BRINP2: variants seen among roughly 807,000 people sequenced by gnomAD.
BRINP2 encodes the protein BMP/retinoic acid-inducible neural-specific protein 2.
A neutral mutation model predicts 69.2 loss-of-function variants in BRINP2; 21 were observed. The ratio of observed to expected loss-of-function variants is 0.30; its 90% CI spans 0.22 to 0.44. The LOEUF (loss-of-function observed/expected upper bound fraction) is 0.44. Among genes scored for constraint, BRINP2 ranks in the 20% least tolerant of loss-of-function variants. The pLI, the probability that BRINP2 is intolerant of heterozygous loss-of-function variation, is 1.00. For synonymous variants in BRINP2, 380 were observed against 394.1 expected (o/e 0.96, Z 0.42); for missense variants, 877 against 986.0 (o/e 0.89, Z 1.48).
chr1:177,208,214 A>G (rs536111626), intron 1 of BRINP2, among the ~76,000 whole-genome samples: 80 of 152,304 alleles, frequency 5.3e-4, no homozygotes, highest in Non-Finnish European at 9.7e-4. Flanking sequence ...ATCGCTCAGT[A>G]AGTACTAGCC....
At chr1:177,216,064 TA>T (rs1649366761) in intron 1 of BRINP2, among the ~76,000 whole-genome samples, 5 of 152,230 alleles carry the variant, frequency 3.3e-5, no homozygotes, top group Admixed American at 2.0e-4. Flanking sequence ...TTTTTATCTA[TA>T]AATTCACTCT....
At chr1:177,176,601 G>C (rs1391810186) in intron 1 of BRINP2, among the ~76,000 whole-genome samples, 1 of 151,162 alleles carries the variant, frequency 6.6e-6, no homozygotes, top group Admixed American at 6.6e-5. Context: ...ACAGGTTAAT[G>C]GGGAAAAGGT....
intron 3 of BRINP2, 82 bp from the exon 4 acceptor site, chr1:177,257,094 T>C: frequency 6.3e-7 from 1 of 1,591,810 alleles, no homozygotes; most frequent in Non-Finnish European, 8.6e-7. Flanking sequence ...TGTGTCTATC[T>C]TGGCCAAGGG....
chr1:177,210,998 G>GTA (rs1403058511), intron 1 of BRINP2, among the ~76,000 whole-genome samples: 2 of 98,566 alleles, frequency 2.0e-5, no homozygotes, highest in Middle Eastern at 5.7e-3. Flanking sequence ...TATATATTAT[G>GTA]TATATATATA....
chr1:177,256,031 A>G lies in BRINP2; in HGVS notation c.382A>G (p.Arg128Gly). ...FIRNIRLLGR[R>G]PNLQQVTENL... ...CCGGAACATTCGCCTCCTTGGAAGG[A>G]GACCCAATCTGCAACAGGTTACAGA... The change falls in exon 3 of 8, where the codon AGA becomes GGA. Residue 128 changes from arginine to glycine, a missense_variant. Around this residue, in one of 3 missense-constraint regions of BRINP2, gnomAD observed 566 missense variants for 625.2 expected, o/e 0.91. Coordinates refer to ENST00000361539, the MANE Select transcript of BRINP2 (RefSeq NM_021165.4). 1 of 1,614,198 alleles carries G rather than the reference A, an allele frequency of 6.2e-7. No homozygotes were observed. The highest frequency in any genetic ancestry group is 8.5e-7 in the Non-Finnish European group (1 of 1,180,026).
intron 1 of BRINP2, among the ~76,000 whole-genome samples, chr1:177,175,148 A>C (rs953107479): frequency 6.6e-6 from 1 of 152,216 alleles, no homozygotes; most frequent in Non-Finnish European, 1.5e-5. Context: ...GCCCTTAGGC[A>C]TTTAGCAGCG....
At chr1:177,185,566 C>T (rs1213208287) in intron 1 of BRINP2, among the ~76,000 whole-genome samples, 2 of 152,156 alleles carry the variant, frequency 1.3e-5, no homozygotes, top group Non-Finnish European at 2.9e-5. Context: ...TATAAACAAA[C>T]GTAATCATTC....
At chr1:177,245,993 G>A (rs1055544768) in intron 2 of BRINP2, among the ~76,000 whole-genome samples, 4 of 152,140 alleles carry the variant, frequency 2.6e-5, no homozygotes, top group African/African-American at 9.7e-5. Flanking sequence ...CATTGTTTAC[G>A]GGCCGTTGTT....
At chr1:177,173,994 T>C (rs1648014921) in intron 1 of BRINP2, among the ~76,000 whole-genome samples, 2 of 152,336 alleles carry the variant, frequency 1.3e-5, no homozygotes, top group South Asian at 4.1e-4. Context: ...GTATACATTT[T>C]ATAATGGCAT....
intron 2 of BRINP2, among the ~76,000 whole-genome samples, chr1:177,255,608 T>C (rs549574852): frequency 6.3e-4 from 96 of 152,364 alleles, no homozygotes; most frequent in African/African-American, 2.2e-3. Context: ...GTTTGTTTTT[T>C]CTACTACTCA....
chr1:177,202,804 G>A (rs10753146), intron 1 of BRINP2, among the ~76,000 whole-genome samples: 17,303 of 152,092 alleles, frequency 0.11, 1,935 homozygotes, highest in African/African-American at 0.28. Flanking sequence ...TTAGAATGGC[G>A]ATCATTAAAA....
intron 1 of BRINP2, among the ~76,000 whole-genome samples, chr1:177,195,378 G>A (rs1036407052): frequency 6.6e-6 from 1 of 151,686 alleles, no homozygotes; most frequent in Non-Finnish European, 1.5e-5. Context: ...TGCAAAGACT[G>A]TTACTATTTT....
chr1:177,271,213 C>T (rs1375422054), intron 4 of BRINP2, among the ~76,000 whole-genome samples: 4 of 152,226 alleles, frequency 2.6e-5, no homozygotes, highest in African/African-American at 9.6e-5. Flanking sequence ...TTGCAGGTGA[C>T]TGTATGACCT....
At chr1:177,272,063 C>T (rs1651345846) in intron 4 of BRINP2, among the ~76,000 whole-genome samples, 1 of 152,180 alleles carries the variant, frequency 6.6e-6, no homozygotes, top group African/African-American at 2.4e-5. Flanking sequence ...ATGCACTATG[C>T]ACTTCCAAGC....
intron 1 of BRINP2, among the ~76,000 whole-genome samples, chr1:177,185,215 C>A (rs1648392637): frequency 6.6e-6 from 1 of 152,028 alleles, no homozygotes; most frequent in Non-Finnish European, 1.5e-5. Flanking sequence ...CTCATAGGCA[C>A]TCGGAGGTTC....
chr1:177,268,598 C>T (rs1330066390), intron 4 of BRINP2, among the ~76,000 whole-genome samples: 1 of 152,136 alleles, frequency 6.6e-6, no homozygotes, highest in South Asian at 2.1e-4. Flanking sequence ...TGAACATCCC[C>T]CTCTGTTGGA....
intron 4 of BRINP2, among the ~76,000 whole-genome samples, chr1:177,265,067 A>G (rs1651075774): frequency 6.6e-6 from 1 of 152,222 alleles, no homozygotes; most frequent in Non-Finnish European, 1.5e-5. Context: ...CTACAAGGCT[A>G]CAGTAACCGA....
chr1:177,250,616 C>T (rs1006019607), intron 2 of BRINP2, among the ~76,000 whole-genome samples: 14 of 152,204 alleles, frequency 9.2e-5, no homozygotes, highest in East Asian at 1.9e-4. Context: ...TGAACCACGG[C>T]GCCCGGCTGC....
rs138799872 is a variant in BRINP2, at chr1:177,278,557, C to T, written c.1013-6C>T. On this transcript the variant is annotated splice_polypyrimidine_tract_variant and splice_region_variant and intron_variant, in intron 6 of 7. Transcript: ENST00000361539. ...GTCAGCTCAGGTCCTGTGTTCTTGT[C>T]CACAGAAGAGTTCCAGGCCCTGCTG... 1.2e-3 allele frequency: 1,885 copies of T among 1,613,562 alleles called. 15 individuals are homozygous for T. The East Asian group carries it at 0.014, about 12-fold the overall frequency.
Sources: allele counts gnomAD v4.1 joint callset (sites outside exome capture counted in the v4.1 genomes callset), GRCh38; gene constraint gnomAD v4.1.1; regional missense constraint gnomAD v4.1.1; transcripts MANE v1.5; gene names NCBI Gene and HGNC (gene_info 2026-07-23, HGNC 2026-07-21).